Variants in EPB41L5 observed in about 807,000 individuals in gnomAD.
The protein encoded by EPB41L5 is band 4.1-like protein 5.
A neutral mutation model predicts 106.6 loss-of-function variants in EPB41L5; 55 were observed. That is an observed-to-expected ratio of 0.52 (90% confidence interval 0.42 to 0.65). EPB41L5 has a LOEUF of 0.65. EPB41L5 is among the 30% of genes least tolerant of loss of function. EPB41L5 has a pLI of 0.00. For missense variants in EPB41L5, 871 were observed against 882.1 expected (o/e 0.99, Z 0.16); for synonymous variants, 297 against 306.7 (o/e 0.97, Z 0.33).
At chr2:120,050,830 G>A (rs1018661903) in intron 3 of EPB41L5, among the ~76,000 whole-genome samples, 1 of 152,120 alleles carries the variant, frequency 6.6e-6, no homozygotes, top group Admixed American at 6.6e-5. Context: ...ATACAGATGG[G>A]GTTTTGGTGT....
At chr2:120,029,767 A>G (rs1049121129) in intron 2 of EPB41L5, among the ~76,000 whole-genome samples, 6 of 152,208 alleles carry the variant, frequency 3.9e-5, no homozygotes, top group Non-Finnish European at 5.9e-5. Context: ...TTTAAATGCT[A>G]TACTAAAACT....
Position 120,127,681 on chromosome 2 carries a change from A to C in EPB41L5, c.1338-7A>C. ...TGGTCTAAGTAAATTTTCTATTTCCATTGCAGCATTCCTCTGAATATTGAT... is the reference window on the plus strand; with the variant it reads ...TGGTCTAAGTAAATTTTCTATTTCCCTTGCAGCATTCCTCTGAATATTGAT... On this transcript the variant is annotated splice_region_variant and splice_polypyrimidine_tract_variant and intron_variant, in intron 16 of 24. Transcript: ENST00000263713. 1 of 1,572,520 alleles carries C rather than the reference A, an allele frequency of 6.4e-7. No individual in the cohort carries two copies. Among genetic ancestry groups the C allele is most frequent in the Middle Eastern group, 1.7e-4 (1 of 5,926 alleles).
intron 3 of EPB41L5, among the ~76,000 whole-genome samples, chr2:120,059,397 A>G (rs1574558188): frequency 6.6e-6 from 1 of 152,194 alleles, no homozygotes; most frequent in East Asian, 1.9e-4. Context: ...AAACAGGAGA[A>G]AATCTGTGGG....
chr2:120,070,063 T>G (rs1051483273), intron 3 of EPB41L5, among the ~76,000 whole-genome samples: 1 of 149,884 alleles, frequency 6.7e-6, no homozygotes, highest in African/African-American at 2.4e-5. Context: ...AGCTCTATTT[T>G]AACAAAATAG....
intron 18 of EPB41L5, among the ~76,000 whole-genome samples, chr2:120,138,783 A>G (rs575078816): frequency 5.8e-4 from 89 of 152,154 alleles, no homozygotes; most frequent in African/African-American, 2.1e-3. Flanking sequence ...ATTCAATTTA[A>G]TCCCTATCAA....
intron 10 of EPB41L5, among the ~76,000 whole-genome samples, chr2:120,082,240 GTGGGTTTGTCATAAATAGCTC>G (rs1157947799): frequency 6.6e-6 from 1 of 152,174 alleles, no homozygotes; most frequent in Non-Finnish European, 1.5e-5. Context: ...GATATTGGCT[GTGGGTTTGTCATAAATAGCTC>G]TTATTATTTT....
At chr2:120,045,296 G>C (rs1364518198) in intron 3 of EPB41L5, among the ~76,000 whole-genome samples, 1 of 152,032 alleles carries the variant, frequency 6.6e-6, no homozygotes, top group Non-Finnish European at 1.5e-5. Flanking sequence ...TCTGAGCCCT[G>C]TTTTTAAAAT....
intron 16 of EPB41L5, among the ~76,000 whole-genome samples, chr2:120,113,366 G>A (rs1182647890): frequency 1.3e-5 from 2 of 152,172 alleles, no homozygotes; most frequent in Admixed American, 1.3e-4. Flanking sequence ...TCCAAATTAT[G>A]GAAGGAGACA....
rs1370724947 is a variant in EPB41L5 at position 120,175,475 on chromosome 2, T to C, written c.*568T>C. 3.3e-5 allele frequency: 5 copies of C among 151,258 alleles called. No individual in the cohort carries two copies. The highest frequency in any genetic ancestry group is 6.6e-5 in the Admixed American group (1 of 15,156). 9.4% of individuals were successfully genotyped at this position (151,258 alleles called of 1,614,324 possible). ...AAAGAGAAGTTTAGAATATAGAGAG[T>C]TTTTAAATGTCTCCCATTCTTTTGA... On this transcript the variant is annotated 3_prime_UTR_variant, in exon 25 of 25. Coordinates refer to ENST00000263713, the MANE Select transcript of EPB41L5 (RefSeq NM_020909.4).
intron 2 of EPB41L5, among the ~76,000 whole-genome samples, chr2:120,034,651 C>G (rs533393400): frequency 1.7e-4 from 25 of 151,412 alleles, no homozygotes; most frequent in Non-Finnish European, 2.9e-4. Context: ...CCAGACTGGG[C>G]AACATGGCAA....
At chr2:120,079,144 A>G (rs889576013) in intron 10 of EPB41L5, among the ~76,000 whole-genome samples, 4 of 152,186 alleles carry the variant, frequency 2.6e-5, no homozygotes, top group Admixed American at 2.6e-4. Context: ...TTACAATAAG[A>G]TGTCTCTATC....
intron 3 of EPB41L5, among the ~76,000 whole-genome samples, chr2:120,069,526 C>T (rs578233132): frequency 1.3e-5 from 2 of 152,286 alleles, no homozygotes; most frequent in East Asian, 3.9e-4. Context: ...ACATTCTTCT[C>T]ATCACTACAT....
At chr2:120,150,661 C>CT (rs936630423) in intron 20 of EPB41L5, among the ~76,000 whole-genome samples, 42 of 149,178 alleles carry the variant, frequency 2.8e-4, no homozygotes, top group Middle Eastern at 3.5e-3. Context: ...ATTTTTATTT[C>CT]TTTTTTTTTT....
At chr2:120,076,447 A>G (rs1682240047) in intron 7 of EPB41L5, among the ~76,000 whole-genome samples, 1 of 132,390 alleles carries the variant, frequency 7.6e-6, no homozygotes, top group East Asian at 2.2e-4. Context: ...TCTACAGGCC[A>G]TTAGGCCTGG....
At chr2:120,140,355 T>C (rs1255528551) in intron 18 of EPB41L5, among the ~76,000 whole-genome samples, 2 of 152,054 alleles carry the variant, frequency 1.3e-5, no homozygotes, top group East Asian at 3.8e-4. Flanking sequence ...ATACTCCATT[T>C]ACCCTGATGT....
chr2:120,093,217 C>T lies in EPB41L5; in HGVS notation c.1151-32C>T, dbSNP rs377714651. 92 of 1,600,116 alleles carry T rather than the reference C, an allele frequency of 5.7e-5. No individual in the cohort carries two copies. The African/African-American group carries it at 1.1e-3, about 19-fold the overall frequency. ...CAGCAGTTTATCATGTAAGATGAAA[C>T]TAATGAGGTGTTATCTTTTTTCTTC... is the stretch of plus-strand genomic sequence containing the variant. On this transcript the variant is annotated intron_variant, in intron 13 of 24. Coordinates refer to ENST00000263713, the MANE Select transcript of EPB41L5 (RefSeq NM_020909.4).
intron 14 of EPB41L5, among the ~76,000 whole-genome samples, chr2:120,097,429 C>T (rs1453039203): frequency 1.3e-5 from 2 of 152,196 alleles, no homozygotes; most frequent in South Asian, 4.1e-4. Context: ...AAAATCTTCT[C>T]GACCTTGTAT....
chr2:120,164,674 G>A (rs1687310273), intron 21 of EPB41L5, among the ~76,000 whole-genome samples, 162 bp from the exon 22 acceptor site: 1 of 152,194 alleles, frequency 6.6e-6, no homozygotes, highest in Admixed American at 6.5e-5. Context: ...CCATGCAGAA[G>A]TGGAATCATT....
intron 11 of EPB41L5, 79 bp downstream of exon 11, chr2:120,087,319 TG>T (rs1289361095): frequency 2.4e-6 from 2 of 822,562 alleles, no homozygotes; most frequent in Non-Finnish European, 3.9e-6. Flanking sequence ...AAAGAGGGAA[TG>T]TACCTCATTG....
Sources: allele counts gnomAD v4.1 joint callset (sites outside exome capture counted in the v4.1 genomes callset), GRCh38; gene constraint gnomAD v4.1.1; transcripts MANE v1.5; gene names NCBI Gene and HGNC (gene_info 2026-07-23, HGNC 2026-07-21).